The following ENO4 variants were observed in gnomAD, a reference collection of about 807,000 sequenced individuals.
ENO4 encodes 2-phospho-D-glycerate hydro-lyase.
Under a neutral mutation model 63.2 loss-of-function variants are expected in ENO4, and 53 were observed. That is an observed-to-expected ratio of 0.84 (90% CI 0.67 to 1.05). The LOEUF (loss-of-function observed/expected upper bound fraction) is 1.05. ENO4 is among the 50% of genes least tolerant of loss of function. The pLI is 0.00. For missense variants in ENO4, 719 were observed against 772.0 expected, an observed-to-expected ratio of 0.93 and a Z score of 0.81; for synonymous variants, 266 against 283.8, an observed-to-expected ratio of 0.94 and a Z score of 0.63.
At chr10:116,886,099 A>T, downstream of ENO4, 1 of 534,854 alleles carries the variant, frequency 1.9e-6, no homozygotes, top group Non-Finnish European at 3.2e-6. Context: ...TACTTAATAC[A>T]GTAACTAGGA....
chr10:116,849,742 G>A lies in ENO4; in HGVS notation c.165+11G>A. 2 of 1,503,344 alleles carry A rather than the reference G, an allele frequency of 1.3e-6. No individual in the cohort carries two copies. The highest frequency in any genetic ancestry group is 1.8e-6 in the Non-Finnish European group (2 of 1,122,808). The allele number at this position is 1,503,344 out of a possible 1,614,324, so 93.1% of individuals were successfully genotyped here. A position where few individuals can be genotyped will look rare whatever the true frequency, so the allele number is the denominator to read the frequency against. On this transcript the variant is annotated intron_variant, in intron 1 of 13. Coordinates refer to ENST00000341276, the MANE Select transcript of ENO4 (RefSeq NM_001242699.2). ...GTCTACGGGCACCTGGTAGGGACCT[G>A]GGACAAGCGCTCTCCTCCCGCCAAC...
chr10:116,850,003 T>G, intron 1 of ENO4: 1 of 611,416 alleles, frequency 1.6e-6, no homozygotes, highest in Non-Finnish European at 2.9e-6. Flanking sequence ...GCCCAGGGGC[T>G]GGCAGGCTTC....
chr10:116,849,926 G>T (rs1435254027), intron 1 of ENO4, 195 bp downstream of exon 1: 2 of 743,412 alleles, frequency 2.7e-6, no homozygotes, highest in Non-Finnish European at 4.7e-6. Flanking sequence ...GATCTCCCCA[G>T]AGAAAGTGGC....
chr10:116,900,786 A>C, intron 10 of ENO4: 1 of 985,354 alleles, frequency 1.0e-6, no homozygotes, highest in Non-Finnish European at 1.2e-6. Context: ...CTACAGGAGA[A>C]AATGTGCTTT....
chr10:116,860,905 G>C lies in ENO4; in HGVS notation c.746G>C (p.Cys249Ser). ...GAVSLAVAKA[C>S]AMLLNKPLYL... ...GTGTCACTAGCTGTTGCCAAAGCCTGTGCCATGCTGCTTAATAAACCTCTG... is the reference window on the plus strand; with the variant it reads ...GTGTCACTAGCTGTTGCCAAAGCCTCTGCCATGCTGCTTAATAAACCTCTG... The change falls in exon 5 of 14, where the codon TGT becomes TCT. Residue 249 changes from cysteine to serine, a missense_variant. Physicochemically the swap from Cys to Ser is moderately radical, Grantham distance 112. Transcript: ENST00000341276. 6.5e-7 allele frequency: 1 copy of C among 1,549,632 alleles called. No individual in the cohort carries two copies. The highest frequency in any genetic ancestry group is 8.7e-7 in the Non-Finnish European group (1 of 1,146,240).
At chr10:116,884,213 C>T (rs762114969), downstream of ENO4, 7 of 457,098 alleles carry the variant, frequency 1.5e-5, no homozygotes, top group African/African-American at 6.0e-5. Context: ...GATATAAGCA[C>T]GGTTCTCCTA....
At chr10:116,901,816 C>T (rs774389040) in intron 10 of ENO4, 1 of 1,601,400 alleles carries the variant, frequency 6.2e-7, no homozygotes, top group Non-Finnish European at 8.5e-7. Flanking sequence ...GGGCCCTTCA[C>T]CTGGCTCAGG....
intron 1 of ENO4, among the ~76,000 whole-genome samples, chr10:116,853,189 T>G (rs1398334045): frequency 6.8e-6 from 1 of 147,752 alleles, no homozygotes; most frequent in African/African-American, 2.5e-5. Context: ...CAGCTACTCG[T>G]GAGGCTGAGG....
At chr10:116,903,474 G>A (rs1229269273) in intron 10 of ENO4, among the ~76,000 whole-genome samples, 3 of 151,722 alleles carry the variant, frequency 2.0e-5, no homozygotes, top group Non-Finnish European at 4.4e-5. Context: ...GCAGTGAGCC[G>A]AGATCACGCC....
At chr10:116,886,982 C>CTGCAGGGTA (rs1847184754), downstream of ENO4, among the ~76,000 whole-genome samples, 2 of 151,720 alleles carry the variant, frequency 1.3e-5, no homozygotes, top group Non-Finnish European at 2.9e-5. Flanking sequence ...CTGGGTATGG[C>CTGCAGGGTA]TGGTTGCAGG....
chr10:116,899,565 A>G (rs765107549), intron 10 of ENO4, among the ~76,000 whole-genome samples: 1 of 146,476 alleles, frequency 6.8e-6, no homozygotes, highest in African/African-American at 2.7e-5. Flanking sequence ...GCATGCATAC[A>G]TATGTTGGGA....
In ENO4 at chr10:116,882,195, G is replaced by A. The variant is rs1473524418; in HGVS notation, c.*526G>A. 2 of 151,994 alleles carry A rather than the reference G, an allele frequency of 1.3e-5. No homozygotes were observed. The highest frequency in any genetic ancestry group is 1.9e-4 in the East Asian group (1 of 5,186). 9.4% of individuals were successfully genotyped at this position (151,994 alleles called of 1,614,324 possible). A position where few individuals can be genotyped will look rare whatever the true frequency, so the allele number is the denominator to read the frequency against. ...AATTTCATCTCACTTTCCTACCCTT[G>A]ATTCCTTTTTTCCTAATTCCCTCTC... On this transcript the variant is annotated 3_prime_UTR_variant, in exon 14 of 14. Coordinates refer to ENST00000341276, the MANE Select transcript of ENO4 (RefSeq NM_001242699.2).
At chr10:116,875,033 A>G (rs1846789035) in intron 10 of ENO4, among the ~76,000 whole-genome samples, 1 of 152,212 alleles carries the variant, frequency 6.6e-6, no homozygotes, top group South Asian at 2.1e-4. Flanking sequence ...ATTAAAACTC[A>G]TGCATTTGAC....
intron 7 of ENO4, among the ~76,000 whole-genome samples, chr10:116,864,988 C>T (rs1176033695): frequency 6.6e-6 from 1 of 151,734 alleles, no homozygotes; most frequent in Non-Finnish European, 1.5e-5. Context: ...CCACTGTACT[C>T]CAGCCTGGGC....
intron 10 of ENO4, among the ~76,000 whole-genome samples, chr10:116,911,295 G>A (rs1018543886): frequency 6.6e-6 from 1 of 152,074 alleles, no homozygotes; most frequent in African/African-American, 2.4e-5. Flanking sequence ...ATAAAAAAAG[G>A]GCCTCTTATT....
At chr10:116,849,779 C>G (rs750093914) in intron 1 of ENO4, 48 bp downstream of exon 1, 67 of 1,465,084 alleles carry the variant, frequency 4.6e-5, no homozygotes, top group East Asian at 3.3e-4. Flanking sequence ...CCTCTCCCCC[C>G]GCCCCGCGCT....
intron 10 of ENO4, among the ~76,000 whole-genome samples, chr10:116,899,506 GGTGTGTGTGTGTGT>G (rs370396879): frequency 8.8e-5 from 11 of 124,500 alleles, no homozygotes; most frequent in Non-Finnish European, 1.2e-4. Flanking sequence ...GGCTGGGGCT[GGTGTGTGTGTGTGT>G]GTGTGTGTGT....
At chr10:116,886,900 TGC>T (rs535063618), downstream of ENO4, among the ~76,000 whole-genome samples, 265 of 152,314 alleles carry the variant, frequency 1.7e-3, 3 homozygotes, top group African/African-American at 6.3e-3. Flanking sequence ...TCTCACAGCC[TGC>T]TGCCCAGACC....
chr10:116,861,302 A>G (rs1488640290), intron 6 of ENO4, 112 bp downstream of exon 6: 1 of 325,876 alleles, frequency 3.1e-6, no homozygotes, highest in African/African-American at 2.2e-5. Flanking sequence ...GGATAAAATG[A>G]GAAAAAAAAT....
Sources: gnomAD v4.1 joint callset for allele counts (sites outside exome capture counted in the v4.1 genomes callset) on GRCh38, gnomAD v4.1.1 for gene constraint, MANE v1.5 for transcripts, NCBI Gene and HGNC (gene_info 2026-07-23, HGNC 2026-07-21) for gene names.